DOCK4: variants seen among roughly 807,000 people sequenced by gnomAD.
The protein encoded by DOCK4 is dedicator of cytokinesis protein 4.
In DOCK4, 97 loss-of-function variants were observed where a neutral mutation model predicts 268.1. The ratio of observed to expected loss-of-function variants is 0.36; its 90% CI spans 0.31 to 0.43. DOCK4 has a LOEUF of 0.43. DOCK4 is among the 20% of genes least tolerant of loss of function. The pLI is 1.00. For synonymous variants in DOCK4, 954 were observed against 887.2 expected (o/e 1.08, Z -1.34); for missense variants, 2,145 against 2,455.7 (o/e 0.87, Z 2.67).
In DOCK4 at chr7:112,103,598, C is replaced by T. The variant is rs555391996; in HGVS notation, c.38-99467G>A. Among the ~76,000 whole-genome samples, 71 of 152,306 alleles carry T rather than the reference C, an allele frequency of 4.7e-4. 2 individuals carry two copies. In the South Asian group the frequency reaches 0.014, roughly 30 times the overall value. ...TATATAGAATTTTAAAAATCATAAACAGTCTGGGCGCAGTGGCTCATGCCT... is the reference window on the plus strand; with the variant it reads ...TATATAGAATTTTAAAAATCATAAATAGTCTGGGCGCAGTGGCTCATGCCT... On this transcript the variant is annotated intron_variant, in intron 1 of 52. Transcript: ENST00000428084.
intron 26 of DOCK4, among the ~76,000 whole-genome samples, chr7:111,824,544 A>G (rs1802251187): frequency 1.3e-5 from 2 of 151,846 alleles, no homozygotes; most frequent in African/African-American, 4.8e-5. Context: ...TGGAGGCAGC[A>G]CTCTTAGTGG....
rs915566657 is a variant in DOCK4, at chr7:111,900,263, G to A, written c.1480+111C>T. ...TAATCTTTCTAGAATGGAACAAACT[G>A]ATTTTTACAAAAGTAATCAACTTAA... On this transcript the variant is annotated intron_variant, in intron 15 of 52. Coordinates refer to ENST00000428084, the MANE Select transcript of DOCK4 (RefSeq NM_001363540.2). 2.3e-6 allele frequency: 3 copies of A among 1,302,580 alleles called. No individual in the cohort carries two copies. The Middle Eastern group carries it at 6.3e-4, about 272-fold the overall frequency. 80.7% of individuals were successfully genotyped at this position (1,302,580 alleles called of 1,614,324 possible).
chr7:111,893,795 G>A (rs200660827), intron 16 of DOCK4, among the ~76,000 whole-genome samples: 1 of 152,184 alleles, frequency 6.6e-6, no homozygotes, highest in Non-Finnish European at 1.5e-5. Flanking sequence ...TGGCTGTTTT[G>A]TTTGCCACTA....
intron 8 of DOCK4, among the ~76,000 whole-genome samples, chr7:111,948,751 C>T (rs920070284): frequency 2.6e-5 from 4 of 151,832 alleles, no homozygotes; most frequent in Admixed American, 6.6e-5. Context: ...TGCACCACCA[C>T]GCCTGGCTAA....
At chr7:112,048,872 C>T (rs912474602) in intron 1 of DOCK4, among the ~76,000 whole-genome samples, 1 of 152,044 alleles carries the variant, frequency 6.6e-6, no homozygotes, top group Non-Finnish European at 1.5e-5. Context: ...CACCTATCAA[C>T]CCATCACCTA....
chr7:112,136,596 T>G (rs1288307469), intron 1 of DOCK4, among the ~76,000 whole-genome samples: 1 of 152,178 alleles, frequency 6.6e-6, no homozygotes, highest in Non-Finnish European at 1.5e-5. Flanking sequence ...AAAGACTGGA[T>G]ACAAATAACT....
intron 30 of DOCK4, among the ~76,000 whole-genome samples, chr7:111,791,082 A>ATATATATATATATT (rs1344447249): frequency 1.4e-5 from 2 of 139,674 alleles, no homozygotes; most frequent in African/African-American, 5.5e-5. Flanking sequence ...ATATATATAT[A>ATATATATATATATT]TATATATATA....
chr7:111,766,899 C>T (rs1019104442), intron 38 of DOCK4, 133 bp downstream of exon 38: 2 of 634,084 alleles, frequency 3.2e-6, no homozygotes, highest in East Asian at 5.5e-5. Flanking sequence ...ATATAAATAG[C>T]TAAGTATGCT....
chr7:111,740,462 G>T (rs1172682257), intron 47 of DOCK4, among the ~76,000 whole-genome samples: 1 of 150,182 alleles, frequency 6.7e-6, no homozygotes, highest in African/African-American at 2.4e-5. Flanking sequence ...GCCGGGCGCA[G>T]TAGCTCATGC....
chr7:111,743,710 G>C (rs759127470), intron 44 of DOCK4, among the ~76,000 whole-genome samples: 6 of 152,208 alleles, frequency 3.9e-5, no homozygotes. Flanking sequence ...ATGCCTGTCA[G>C]GGGGAGGGAC....
At chr7:112,189,661 C>T (rs903393596) in intron 1 of DOCK4, among the ~76,000 whole-genome samples, 5 of 151,574 alleles carry the variant, frequency 3.3e-5, no homozygotes, top group African/African-American at 1.2e-4. Context: ...ACAGTCCTAT[C>T]TTCACTGAAA....
At chr7:111,982,205 G>C (rs1432377883) in intron 7 of DOCK4, among the ~76,000 whole-genome samples, 1 of 152,128 alleles carries the variant, frequency 6.6e-6, no homozygotes, top group Non-Finnish European at 1.5e-5. Context: ...GCACTTAAAG[G>C]TGTTCTTGGT....
At chr7:112,202,318 C>G (rs6974364) in intron 1 of DOCK4, among the ~76,000 whole-genome samples, 122,518 of 152,184 alleles carry the variant, frequency 0.81, 49,387 homozygotes, top group Middle Eastern at 0.85. Flanking sequence ...ATGTGCACAG[C>G]GTTCCCTTTT....
chr7:112,015,857 A>G (rs1285227025), intron 1 of DOCK4, among the ~76,000 whole-genome samples: 1 of 152,200 alleles, frequency 6.6e-6, no homozygotes, highest in Non-Finnish European at 1.5e-5. Flanking sequence ...CTTTGTCTTC[A>G]CATGGTGGAA....
At chr7:111,908,823 C>T (rs887204840) in intron 13 of DOCK4, among the ~76,000 whole-genome samples, 9 of 152,052 alleles carry the variant, frequency 5.9e-5, no homozygotes, top group Non-Finnish European at 1.2e-4. Flanking sequence ...GGAATGATGG[C>T]TTCTAGCTTC....
chr7:111,998,738 A>T (rs1334454431), intron 3 of DOCK4, among the ~76,000 whole-genome samples: 1 of 152,190 alleles, frequency 6.6e-6, no homozygotes, highest in Non-Finnish European at 1.5e-5. Context: ...TGATCAAAAA[A>T]ATTAAATCTT....
At chr7:112,173,246 GAGAA>G (rs1236489722) in intron 1 of DOCK4, among the ~76,000 whole-genome samples, 2 of 152,162 alleles carry the variant, frequency 1.3e-5, no homozygotes, top group Admixed American at 1.3e-4. Context: ...TGCATTGTGT[GAGAA>G]AGAAATAGCA....
At chr7:111,828,992 G>A (rs1242232464) in intron 26 of DOCK4, among the ~76,000 whole-genome samples, 1 of 151,518 alleles carries the variant, frequency 6.6e-6, no homozygotes, top group South Asian at 2.1e-4. Context: ...GGATACGTTG[G>A]GGGTTAGGAG....
At chr7:111,800,003 A>T (rs1800155404) in intron 30 of DOCK4, among the ~76,000 whole-genome samples, 3 of 152,192 alleles carry the variant, frequency 2.0e-5, no homozygotes, top group Non-Finnish European at 4.4e-5. Flanking sequence ...TATCATCCTT[A>T]TAACAGGATT....
Sources: gnomAD v4.1 joint callset for allele counts (sites outside exome capture counted in the v4.1 genomes callset) on GRCh38, gnomAD v4.1.1 for gene constraint, MANE v1.5 for transcripts, NCBI Gene and HGNC (gene_info 2026-07-23, HGNC 2026-07-21) for gene names.